SPRY4: variants seen among roughly 807,000 people sequenced by gnomAD.
SPRY4 encodes the protein sprouty RTK signaling antagonist 4.
SPRY4 carries 7 observed loss-of-function variants against 17.0 expected under a neutral mutation model. The ratio of observed to expected loss-of-function variants is 0.41; its 90% CI spans 0.23 to 0.77. The LOEUF (loss-of-function observed/expected upper bound fraction) is 0.77, where lower values mean the gene tolerates loss of function less well. Ranked by LOEUF, SPRY4 falls within the 30% of genes least tolerant of loss-of-function variation. The pLI, the probability that SPRY4 is intolerant of heterozygous loss-of-function variation, is 0.32. For synonymous variants in SPRY4, 183 were observed against 174.1 expected, an observed-to-expected ratio of 1.05 and a Z score of -0.40; for missense variants, 435 against 419.9, an observed-to-expected ratio of 1.04 and a Z score of -0.31.
At chr5:142,322,483 A>ATAT (rs1554100328) in intron 1 of SPRY4, among the ~76,000 whole-genome samples, 63 of 117,546 alleles carry the variant, frequency 5.4e-4, no homozygotes, top group African/African-American at 7.0e-4. Context: ...AAAAAAAAAA[A>ATAT]ATATATATAT....
rs908340915 is a variant in SPRY4, at chr5:142,321,485, A to G, written c.-48+3359T>C. On this transcript the variant is annotated intron_variant, in intron 1 of 1. Transcript: ENST00000434127. ...GAGCAAAAACATATTCTAATGAGTC[A>G]CTGCTTTCTCCTTTCAGGGAGATAA... Among the ~76,000 whole-genome samples, 4 of 152,190 alleles carry G rather than the reference A, an allele frequency of 2.6e-5. 1 individual carries two copies. Among genetic ancestry groups the G allele is most frequent in the Non-Finnish European group, 5.9e-5 (4 of 68,032 alleles).
At chr5:142,319,648 A>T in intron 1 of SPRY4, 1 of 1,491,766 alleles carries the variant, frequency 6.7e-7, no homozygotes, top group Non-Finnish European at 9.1e-7. Flanking sequence ...AATCAGCAGG[A>T]TATCAAAATC....
intron 1 of SPRY4, chr5:142,317,697 T>A (rs1001985447): frequency 9.3e-5 from 91 of 983,500 alleles, no homozygotes; most frequent in Non-Finnish European, 1.1e-4. Context: ...AAATGGGCAA[T>A]GCTCAGAAAT....
Position 142,310,720 on chromosome 5 carries a change from G to C in SPRY4, c.*3489C>G, listed in dbSNP as rs1758874531. 1 of 152,188 alleles carries C rather than the reference G, an allele frequency of 6.6e-6. No homozygotes were observed. Among genetic ancestry groups the C allele is most frequent in the African/African-American group, 2.4e-5 (1 of 41,400 alleles). The allele number at this position is 152,188 out of a possible 1,614,324, so 9.4% of individuals were successfully genotyped here. ...TTTGTAACATGAAACCAAGCTGTGG[G>C]ACAGTAAGAAGAGAAAGCAAGGCAA... On this transcript the variant is annotated 3_prime_UTR_variant, in exon 2 of 2. Coordinates refer to ENST00000434127, the MANE Select transcript of SPRY4 (RefSeq NM_001127496.3).
rs1241610034 is a variant in SPRY4 at position 142,312,263 on chromosome 5, T to C, written c.*1946A>G. The C allele has an allele frequency of 2.0e-5, 3 of 152,618 alleles. No individual in the cohort carries two copies. Among genetic ancestry groups the C allele is most frequent in the Admixed American group, 6.5e-5 (1 of 15,278 alleles). 9.5% of individuals were successfully genotyped at this position (152,618 alleles called of 1,614,324 possible). A position where few individuals can be genotyped will look rare whatever the true frequency, so the allele number is the denominator to read the frequency against. On this transcript the variant is annotated 3_prime_UTR_variant, in exon 2 of 2. Coordinates refer to ENST00000434127, the MANE Select transcript of SPRY4 (RefSeq NM_001127496.3). ...CTTCTGAAATGTTCAAGAACATCCA[T>C]ACATCCGTCACAACTGTGGCAAGGG...
intron 1 of SPRY4, chr5:142,317,355 G>T (rs1454531955): frequency 1.0e-6 from 1 of 985,294 alleles, no homozygotes; most frequent in Non-Finnish European, 1.2e-6. Flanking sequence ...TGGAGGAAAG[G>T]GTGTGGCTTG....
intron 1 of SPRY4, among the ~76,000 whole-genome samples, chr5:142,322,486 A>ATATG (rs1554100333): frequency 2.9e-4 from 38 of 132,858 alleles, no homozygotes; most frequent in Middle Eastern, 3.7e-3. Flanking sequence ...AAAAAAAAAT[A>ATATG]TATATATATA....
At chr5:142,319,769 G>A in intron 1 of SPRY4, 1 of 1,612,332 alleles carries the variant, frequency 6.2e-7, no homozygotes, top group East Asian at 2.2e-5. Flanking sequence ...TGAGCATCAG[G>A]CTGCAAACCG....
At chr5:142,322,990 G>C (rs913131409) in intron 1 of SPRY4, among the ~76,000 whole-genome samples, 2 of 144,014 alleles carry the variant, frequency 1.4e-5, no homozygotes, top group Non-Finnish European at 3.0e-5. Flanking sequence ...GAGAGAAAGA[G>C]AAATCTTTAA....
chr5:142,317,791 C>T, intron 1 of SPRY4: 2 of 985,364 alleles, frequency 2.0e-6, no homozygotes, highest in Non-Finnish European at 2.4e-6. Flanking sequence ...GCAGCCGCTG[C>T]AGGCAATGGG....
chr5:142,323,471 C>T (rs1373603773), intron 1 of SPRY4, among the ~76,000 whole-genome samples: 1 of 152,224 alleles, frequency 6.6e-6, no homozygotes, highest in Non-Finnish European at 1.5e-5. Flanking sequence ...GGAAGCCTTG[C>T]TGCGCCAGAA....
In SPRY4 at chr5:142,314,523, A is replaced by T; in HGVS notation, c.586T>A (p.Tyr196Asn). ...CLCSAQTLVN[Y>N]GTCMCLVQGI... ...TGCACCAAACACATGCACGTGCCATAGTTGACCAGAGTCTGGGCTGAGCAC... is the reference window on the plus strand; with the variant it reads ...TGCACCAAACACATGCACGTGCCATTGTTGACCAGAGTCTGGGCTGAGCAC... The change falls in exon 2 of 2, where the codon TAT (tyrosine) becomes AAT (asparagine). Residue 196 changes from tyrosine (Y) to asparagine (N), a missense_variant. Tyr to Asn is a moderately radical substitution (Grantham distance 143). Transcript: ENST00000434127. The surrounding 1 kb of genome is among the most constrained non-coding windows in gnomAD (Gnocchi z 4.8). 3 of 1,614,228 alleles carry T rather than the reference A, an allele frequency of 1.9e-6. No homozygotes were observed. Among genetic ancestry groups the T allele is most frequent in the Non-Finnish European group, 2.5e-6 (3 of 1,180,026 alleles).
At chr5:142,317,270 T>G (rs1759184424) in intron 1 of SPRY4, 1 of 985,330 alleles carries the variant, frequency 1.0e-6, no homozygotes, top group Admixed American at 6.1e-5. Context: ...TTCCAAAGCC[T>G]TGCTTCTAGA....
Position 142,314,759 on chromosome 5 carries a change from G to A in SPRY4, c.350C>T (p.Pro117Leu), listed in dbSNP as rs780661811. The change falls in exon 2 of 2, where the codon CCA becomes CTA. Residue 117 changes from proline to leucine, a missense_variant. Transcript: ENST00000434127. This position sits in a 1 kb window ranked among gnomAD's most constrained non-coding sequence, Gnocchi z 4.8. Reference sequence around the variant, plus strand: ...TGAGGCCTGGTCAGCCACGGGTGGTGGTGCCATGTGGTCTAAGAGCCGTTG... The same window carrying A: ...TGAGGCCTGGTCAGCCACGGGTGGTAGTGCCATGTGGTCTAAGAGCCGTTG... The part of the protein sequence containing the change: ...SDQRLLDHMA[P>L]PPVADQASPR... The A allele has an allele frequency of 6.9e-6, 11 of 1,604,372 alleles. No homozygotes were observed. Among genetic ancestry groups the A allele is most frequent in the South Asian group, 1.1e-5 (1 of 90,732 alleles).
chr5:142,321,473 T>C (rs1759342566), intron 1 of SPRY4, among the ~76,000 whole-genome samples: 1 of 152,206 alleles, frequency 6.6e-6, no homozygotes, highest in Non-Finnish European at 1.5e-5. Context: ...CAAAAACATA[T>C]TCTAATGAGT....
chr5:142,322,241 G>T (rs1759366880), intron 1 of SPRY4, among the ~76,000 whole-genome samples: 4 of 152,146 alleles, frequency 2.6e-5, no homozygotes, highest in Admixed American at 2.6e-4. Flanking sequence ...GGGAGGCAGA[G>T]GCCGGCGGAT....
At chr5:142,318,502 A>C (rs1759236182) in intron 1 of SPRY4, among the ~76,000 whole-genome samples, 1 of 152,050 alleles carries the variant, frequency 6.6e-6, no homozygotes, top group Non-Finnish European at 1.5e-5. Flanking sequence ...AAAAAAAAGA[A>C]AGAAAGAAAA....
chr5:142,321,770 C>T (rs750704252), intron 1 of SPRY4, among the ~76,000 whole-genome samples: 35 of 152,162 alleles, frequency 2.3e-4, no homozygotes, highest in Non-Finnish European at 4.3e-4. Context: ...AGAGGGAGGG[C>T]TCCTTCCTAG....
chr5:142,320,882 T>G (rs1248954444), intron 1 of SPRY4, among the ~76,000 whole-genome samples: 1 of 152,146 alleles, frequency 6.6e-6, no homozygotes, highest in Non-Finnish European at 1.5e-5. Context: ...AAAAAAAGAC[T>G]ACTGACAAGG....
Sources: allele counts gnomAD v4.1 joint callset (sites outside exome capture counted in the v4.1 genomes callset), GRCh38; gene constraint gnomAD v4.1.1; non-coding constraint Gnocchi (gnomAD v3.1); transcripts MANE v1.5; gene names NCBI Gene and HGNC (gene_info 2026-07-23, HGNC 2026-07-21).